The following USP6NL variants were observed in gnomAD, a reference collection of about 807,000 sequenced individuals.
The protein encoded by USP6NL is USP6 N-terminal-like protein.
Under a neutral mutation model 61.9 loss-of-function variants are expected in USP6NL, and 26 were observed. That is an observed-to-expected ratio of 0.42 (90% confidence interval 0.31 to 0.58). USP6NL has a LOEUF of 0.58. Among genes scored for constraint, USP6NL ranks in the 20% least tolerant of loss-of-function variants. The pLI is 0.16. For synonymous variants in USP6NL, 432 were observed against 390.1 expected, an observed-to-expected ratio of 1.11 and a Z score of -1.27; for missense variants, 1,114 against 1,034.3, an observed-to-expected ratio of 1.08 and a Z score of -1.06.
At chr10:11,500,085 C>T (rs1390726270) in intron 7 of USP6NL, among the ~76,000 whole-genome samples, 1 of 152,134 alleles carries the variant, frequency 6.6e-6, no homozygotes, top group African/African-American at 2.4e-5. Context: ...CCAAATAATG[C>T]ATGTTCTCAC....
chr10:11,579,845 C>T (rs1003440248), intron 2 of USP6NL, among the ~76,000 whole-genome samples: 1 of 151,564 alleles, frequency 6.6e-6, no homozygotes, highest in Non-Finnish European at 1.5e-5. Flanking sequence ...GCCATGTGGT[C>T]ACTGTTGTAA....
chr10:11,462,638 A>G lies in USP6NL; in HGVS notation c.2290T>C (p.Tyr764His). The G allele has an allele frequency of 6.2e-7, 1 of 1,613,980 alleles. No homozygotes were observed. Reference protein sequence around the residue: ...RDASRGNLPKYSAFQLAPFQD... With the variant: ...RDASRGNLPKHSAFQLAPFQD... ...AAGGGTGCGAGTTGAAAGGCTGAGT[A>G]TTTTGGTAAATTGCCACGGCTAGCA... The change falls in exon 15 of 15, where the codon TAC becomes CAC. Residue 764 changes from tyrosine (Y) to histidine (H), a missense_variant. Physicochemically the swap from Tyr to His is moderately conservative, Grantham distance 83. Coordinates refer to ENST00000609104, the MANE Select transcript of USP6NL (RefSeq NM_014688.5).
intron 2 of USP6NL, among the ~76,000 whole-genome samples, chr10:11,594,683 A>G (rs1379929167): frequency 6.6e-6 from 1 of 152,166 alleles, no homozygotes; most frequent in African/African-American, 2.4e-5. Flanking sequence ...GCCACACTCT[A>G]CACATACACT....
At chr10:11,555,050 C>T (rs1409490561) in intron 2 of USP6NL, among the ~76,000 whole-genome samples, 2 of 147,506 alleles carry the variant, frequency 1.4e-5, no homozygotes, top group Non-Finnish European at 3.0e-5. Context: ...ATGATCTGCC[C>T]AAAGTGCTGG....
chr10:11,597,739 A>T lies in USP6NL; in HGVS notation c.-83-22T>A. 1.1e-6 allele frequency: 1 copy of T among 873,598 alleles called. No individual in the cohort carries two copies. Among genetic ancestry groups the T allele is most frequent in the Non-Finnish European group, 1.8e-6 (1 of 544,282 alleles). 54.1% of individuals were successfully genotyped at this position (873,598 alleles called of 1,614,324 possible). A position where few individuals can be genotyped will look rare whatever the true frequency, so the allele number is the denominator to read the frequency against. On this transcript the variant is annotated intron_variant, in intron 1 of 14. Transcript: ENST00000609104. This position sits in a 1 kb window ranked among gnomAD's most constrained non-coding sequence, Gnocchi z 4.6. ...TGTCCTAGTCAGGAAACAAAGAGAA[A>T]GAAATAGTATTTTCTAGAGGTCAAT...
At chr10:11,542,210 T>C (rs2133456074) in intron 2 of USP6NL, among the ~76,000 whole-genome samples, 1 of 152,332 alleles carries the variant, frequency 6.6e-6, no homozygotes, top group South Asian at 2.1e-4. Context: ...TTACTGCCAC[T>C]GCACCTAGCT....
rs1832428583 is a variant in USP6NL at position 11,465,846 on chromosome 10, T to A, written c.1079-1997A>T. Among the ~76,000 whole-genome samples, 1 of 152,220 alleles carries A rather than the reference T, an allele frequency of 6.6e-6. No homozygotes were observed. Among genetic ancestry groups the A allele is most frequent in the South Asian group, 2.1e-4 (1 of 4,828 alleles). ...CAAAACTGGATTGTTTTAAATAAAT[T>A]TTAGGGACTGCCTTTTTCTGTTAGC... On this transcript the variant is annotated intron_variant, in intron 14 of 14. Transcript: ENST00000609104. This position sits in a 1 kb window ranked among gnomAD's most constrained non-coding sequence, Gnocchi z 4.5.
In USP6NL at chr10:11,516,341, T is replaced by C. The variant is rs535765354; in HGVS notation, c.195+2194A>G. Among the ~76,000 whole-genome samples, 8 of 152,348 alleles carry C rather than the reference T, an allele frequency of 5.3e-5. No individual in the cohort carries two copies. The East Asian group carries it at 1.5e-3, about 29-fold the overall frequency. ...AAGAGCATGCTTCAAGTGTATGCTC[T>C]ATAAAGACTGCAGACCAGCAAGGCT... On this transcript the variant is annotated intron_variant, in intron 5 of 14. Coordinates refer to ENST00000609104, the MANE Select transcript of USP6NL (RefSeq NM_014688.5).
intron 1 of USP6NL, among the ~76,000 whole-genome samples, chr10:11,608,771 C>T (rs145954490): frequency 2.0e-5 from 3 of 152,312 alleles, no homozygotes; most frequent in East Asian, 1.9e-4. Context: ...TTTGAATTTA[C>T]GATCCTCCCC....
intron 2 of USP6NL, among the ~76,000 whole-genome samples, chr10:11,568,025 G>GT (rs1172310860): frequency 1.3e-5 from 2 of 152,032 alleles, no homozygotes; most frequent in Non-Finnish European, 1.5e-5. Flanking sequence ...AACCACTCAC[G>GT]TAACTGTGGA....
In USP6NL at chr10:11,548,313, A is replaced by G. The variant is rs906130953; in HGVS notation, c.5-20746T>C. On this transcript the variant is annotated intron_variant, in intron 2 of 14. Coordinates refer to ENST00000609104, the MANE Select transcript of USP6NL (RefSeq NM_014688.5). This position sits in a 1 kb window ranked among gnomAD's most constrained non-coding sequence, Gnocchi z 4.3. ...TTGGTGGGAGAACAGCAGCACTATT[A>G]CCTCCTTTGATCTGCAAACAAATAT... Among the ~76,000 whole-genome samples, 1 of 152,178 alleles carries G rather than the reference A, an allele frequency of 6.6e-6. No homozygotes were observed. The highest frequency in any genetic ancestry group is 2.4e-5 in the African/African-American group (1 of 41,442).
chr10:11,577,560 G>T (rs1837597195), intron 2 of USP6NL, among the ~76,000 whole-genome samples: 1 of 152,088 alleles, frequency 6.6e-6, no homozygotes, highest in East Asian at 1.9e-4. Context: ...GAGTGCAATG[G>T]CGCAATCTCG....
chr10:11,544,074 G>C (rs1836178076), intron 2 of USP6NL, among the ~76,000 whole-genome samples: 2 of 152,120 alleles, frequency 1.3e-5, no homozygotes, highest in African/African-American at 4.8e-5. Context: ...GCCTCCCAAA[G>C]TGTTGGGATT....
rs1833667204 is a variant in USP6NL, at chr10:11,490,523, G to A, written c.543+309C>T. ...CACCCACTTCCTGTCCTTCTACCCTGTATATCTGCTTAAAAATAAAAACAA... is the reference window on the plus strand; with the variant it reads ...CACCCACTTCCTGTCCTTCTACCCTATATATCTGCTTAAAAATAAAAACAA... On this transcript the variant is annotated intron_variant, in intron 9 of 14. Transcript: ENST00000609104. The surrounding 1 kb of genome is among the most constrained non-coding windows in gnomAD (Gnocchi z 4.5). Among the ~76,000 whole-genome samples, 1 of 152,118 alleles carries A rather than the reference G, an allele frequency of 6.6e-6. No homozygotes were observed. Among genetic ancestry groups the A allele is most frequent in the African/African-American group, 2.4e-5 (1 of 41,412 alleles).
Position 11,462,416 on chromosome 10 carries a change from G to C in USP6NL, c.*25C>G, listed in dbSNP as rs770857009. On this transcript the variant is annotated 3_prime_UTR_variant, in exon 15 of 15. Coordinates refer to ENST00000609104, the MANE Select transcript of USP6NL (RefSeq NM_014688.5). ...GTAGGTTTCACGTGGTTTCTCTCTC[G>C]TCTTTAGCAAGTACACGTCAAATCT... The C allele has an allele frequency of 2.5e-6, 4 of 1,600,604 alleles. No individual in the cohort carries two copies. The South Asian group carries it at 3.4e-5, about 13-fold the overall frequency.
chr10:11,610,590 A>G (rs1445124130), intron 1 of USP6NL, among the ~76,000 whole-genome samples: 1 of 152,034 alleles, frequency 6.6e-6, no homozygotes, highest in Non-Finnish European at 1.5e-5. Flanking sequence ...TTTTCTTTCA[A>G]CAAGCAACAT....
At chr10:11,601,089 T>C (rs1460291267) in intron 1 of USP6NL, among the ~76,000 whole-genome samples, 3 of 152,252 alleles carry the variant, frequency 2.0e-5, no homozygotes, top group East Asian at 1.9e-4. Context: ...CTATTCATAA[T>C]AGCAAAGAAA....
intron 5 of USP6NL, among the ~76,000 whole-genome samples, chr10:11,512,802 G>A (rs1167976430): frequency 6.6e-6 from 1 of 152,130 alleles, no homozygotes; most frequent in Non-Finnish European, 1.5e-5. Context: ...TTCCCAGATC[G>A]CTCCATGTTC....
intron 1 of USP6NL, among the ~76,000 whole-genome samples, chr10:11,606,868 G>A (rs1172594295): frequency 1.3e-5 from 2 of 150,236 alleles, no homozygotes; most frequent in African/African-American, 4.9e-5. Flanking sequence ...TCGGCTCAGT[G>A]CAACCTCCAT....
Sources: allele counts gnomAD v4.1 joint callset (sites outside exome capture counted in the v4.1 genomes callset), GRCh38; gene constraint gnomAD v4.1.1; non-coding constraint Gnocchi (gnomAD v3.1); transcripts MANE v1.5; gene names NCBI Gene and HGNC (gene_info 2026-07-23, HGNC 2026-07-21).